The following GLIS3 variants were observed in gnomAD, a reference collection of about 807,000 sequenced individuals.
GLIS3 encodes zinc finger protein GLIS3.
GLIS3 carries 53 observed loss-of-function variants against 78.6 expected under a neutral mutation model. The observed-to-expected ratio is 0.67, with a 90% CI of 0.54 to 0.85. The LOEUF (loss-of-function observed/expected upper bound fraction) is 0.85. GLIS3 is among the 40% of genes least tolerant of loss of function. The pLI, the probability that GLIS3 is intolerant of heterozygous loss-of-function variation, is 0.00. For synonymous variants in GLIS3, 684 were observed against 509.9 expected (o/e 1.34, Z -4.60); for missense variants, 1,703 against 1,231.1 (o/e 1.38, Z -5.74).
intron 7 of GLIS3, among the ~76,000 whole-genome samples, chr9:3,884,735 G>C (rs1363450958): frequency 6.6e-6 from 1 of 152,126 alleles, no homozygotes. Flanking sequence ...CTGGTTCCTG[G>C]TTAAGTTACC....
intron 2 of GLIS3, among the ~76,000 whole-genome samples, chr9:4,173,638 G>C (rs1246241243): frequency 6.7e-6 from 1 of 148,194 alleles, no homozygotes; most frequent in Non-Finnish European, 1.5e-5. Flanking sequence ...GTCTTGATCT[G>C]TCACCTAGAG....
the GLIS3 span, among the ~76,000 whole-genome samples, chr9:4,472,153 T>C: frequency 6.6e-6 from 1 of 152,182 alleles, no homozygotes; most frequent in Non-Finnish European, 1.5e-5. Flanking sequence ...TTTTACACGG[T>C]TGGTGGGACT....
At chr9:4,108,701 G>A (rs766876096) in intron 4 of GLIS3, among the ~76,000 whole-genome samples, 6 of 152,114 alleles carry the variant, frequency 3.9e-5, no homozygotes, top group Non-Finnish European at 7.4e-5. Flanking sequence ...ATTTAAAAAT[G>A]AAACCACTTT....
chr9:4,157,704 C>G (rs1026770093), intron 2 of GLIS3, among the ~76,000 whole-genome samples: 1 of 152,082 alleles, frequency 6.6e-6, no homozygotes, highest in Non-Finnish European at 1.5e-5. Context: ...TTAGTGCATG[C>G]ATTACAGGAG....
the GLIS3 span, among the ~76,000 whole-genome samples, chr9:4,469,559 G>C: frequency 6.6e-6 from 1 of 152,146 alleles, no homozygotes; most frequent in Non-Finnish European, 1.5e-5. Flanking sequence ...CGAAATGAAG[G>C]CAGAAATAAA....
chr9:4,186,323 T>G (rs1174398111), intron 2 of GLIS3, among the ~76,000 whole-genome samples: 4 of 152,084 alleles, frequency 2.6e-5, no homozygotes, highest in Non-Finnish European at 4.4e-5. Flanking sequence ...ACAAAGGACA[T>G]GAACTCATCC....
intron 4 of GLIS3, among the ~76,000 whole-genome samples, chr9:4,043,206 A>G (rs1324298776): frequency 2.0e-5 from 3 of 151,938 alleles, no homozygotes; most frequent in African/African-American, 4.8e-5. Flanking sequence ...TTTCCTCCCA[A>G]TCACTTTCAG....
At chr9:4,138,546 G>A (rs1166081236) in intron 2 of GLIS3, among the ~76,000 whole-genome samples, 1 of 152,154 alleles carries the variant, frequency 6.6e-6, no homozygotes, top group Non-Finnish European at 1.5e-5. Flanking sequence ...GCAATATGAA[G>A]AGTTGGATGG....
At chr9:4,396,007 C>G in the GLIS3 span, among the ~76,000 whole-genome samples, 1 of 151,868 alleles carries the variant, frequency 6.6e-6, no homozygotes, top group Non-Finnish European at 1.5e-5. Context: ...CTCCTGACCT[C>G]ATGATCCACC....
intron 8 of GLIS3, among the ~76,000 whole-genome samples, chr9:3,876,582 T>A: frequency 7.2e-6 from 1 of 138,312 alleles, no homozygotes; most frequent in Non-Finnish European, 1.5e-5. Flanking sequence ...TCTGCAACCA[T>A]CTGTCAAATG....
chr9:4,364,109 C>A, the GLIS3 span, among the ~76,000 whole-genome samples: 2 of 152,184 alleles, frequency 1.3e-5, no homozygotes, highest in Non-Finnish European at 2.9e-5. Context: ...GTCACAAAGC[C>A]TGTCCTTCAG....
At chr9:4,111,879 G>C (rs568865886) in intron 4 of GLIS3, among the ~76,000 whole-genome samples, 80 of 152,298 alleles carry the variant, frequency 5.3e-4, no homozygotes, top group African/African-American at 1.9e-3. Flanking sequence ...AAGAGACAAA[G>C]AGGATATTAA....
chr9:4,394,335 T>TA, the GLIS3 span, among the ~76,000 whole-genome samples: 23 of 151,694 alleles, frequency 1.5e-4, no homozygotes, highest in African/African-American at 5.1e-4. Flanking sequence ...CTCATAATTT[T>TA]AAAAAATTAT....
intron 4 of GLIS3, among the ~76,000 whole-genome samples, chr9:3,973,744 A>G (rs1818558600): frequency 6.6e-6 from 1 of 152,230 alleles, no homozygotes; most frequent in African/African-American, 2.4e-5. Context: ...TATCAAAACC[A>G]GAAGGCAACA....
At chr9:4,217,304 G>T (rs781620339) in intron 2 of GLIS3, among the ~76,000 whole-genome samples, 1 of 152,140 alleles carries the variant, frequency 6.6e-6, no homozygotes, top group Non-Finnish European at 1.5e-5. Context: ...TAAACCATTT[G>T]CCCTAAAAGC....
intron 2 of GLIS3, among the ~76,000 whole-genome samples, chr9:4,162,128 TC>T (rs1341731886): frequency 1.3e-5 from 2 of 152,134 alleles, no homozygotes; most frequent in African/African-American, 4.8e-5. Context: ...ATATGTGATC[TC>T]CCATCACCTC....
intron 4 of GLIS3, among the ~76,000 whole-genome samples, chr9:4,017,319 G>T (rs1013612941): frequency 6.6e-5 from 10 of 152,302 alleles, no homozygotes; most frequent in African/African-American, 2.4e-4. Flanking sequence ...AGCAGGAATA[G>T]CAAGCAGCAT....
At chr9:4,376,023 G>T in the GLIS3 span, among the ~76,000 whole-genome samples, 6 of 152,164 alleles carry the variant, frequency 3.9e-5, no homozygotes, top group African/African-American at 1.4e-4. Context: ...GGAATGCTGA[G>T]GTCACATATG....
chr9:3,940,788 C>A (rs1251623811), intron 4 of GLIS3, among the ~76,000 whole-genome samples: 1 of 152,140 alleles, frequency 6.6e-6, no homozygotes. Context: ...TATTCCATAC[C>A]AAGCTCCTTG....
Sources: gnomAD v4.1 joint callset for allele counts (sites outside exome capture counted in the v4.1 genomes callset) on GRCh38, gnomAD v4.1.1 for gene constraint, MANE v1.5 for transcripts, NCBI Gene and HGNC (gene_info 2026-07-23, HGNC 2026-07-21) for gene names.